Variants in DOCK1 observed in about 807,000 individuals in gnomAD.
DOCK1 encodes dedicator of cytokinesis protein 1.
DOCK1 carries 138 observed loss-of-function variants against 262.7 expected under a neutral mutation model. That is an observed-to-expected ratio of 0.53 (90% CI 0.46 to 0.61). DOCK1 has a LOEUF of 0.61. DOCK1 is among the 20% of genes least tolerant of loss of function. DOCK1 has a pLI of 0.00. For synonymous variants in DOCK1, 866 were observed against 867.4 expected (o/e 1.00, Z 0.03); for missense variants, 1,908 against 2,370.7 (o/e 0.80, Z 4.05).
At chr10:127,083,597 G>A (rs537975482) in intron 23 of DOCK1, among the ~76,000 whole-genome samples, 8 of 152,180 alleles carry the variant, frequency 5.3e-5, no homozygotes, top group South Asian at 2.1e-4. Context: ...TATAATGGAT[G>A]TGATTATAAA....
chr10:127,006,403 A>G (rs1037366937), intron 10 of DOCK1, among the ~76,000 whole-genome samples: 83 of 152,220 alleles, frequency 5.5e-4, no homozygotes, highest in African/African-American at 1.9e-3. Flanking sequence ...ACACAGCTGT[A>G]CTGACTTCAG....
intron 29 of DOCK1, among the ~76,000 whole-genome samples, chr10:127,291,085 A>G (rs77799058): frequency 0.016 from 2,474 of 152,254 alleles, 74 homozygotes; most frequent in African/African-American, 0.057. Flanking sequence ...CTGAAGACAC[A>G]GTCTAGAGTC....
intron 10 of DOCK1, among the ~76,000 whole-genome samples, chr10:127,003,577 G>A (rs556418559): frequency 8.5e-5 from 13 of 152,292 alleles, no homozygotes; most frequent in African/African-American, 2.6e-4. Context: ...TTGGTGCCAA[G>A]CACTGAGCAC....
At chr10:127,190,664 T>TCCCCCCCCC (rs1491352928) in intron 27 of DOCK1, among the ~76,000 whole-genome samples, 2 of 15,230 alleles carry the variant, frequency 1.3e-4, no homozygotes, top group South Asian at 3.2e-3. Flanking sequence ...AAATCCTATC[T>TCCCCCCCCC]TCCCCCCCCC....
At chr10:127,412,616 C>T (rs2067926468) in intron 43 of DOCK1, among the ~76,000 whole-genome samples, 1 of 152,144 alleles carries the variant, frequency 6.6e-6, no homozygotes, top group Admixed American at 6.5e-5. Flanking sequence ...GAATTAACAC[C>T]CTACTCCTGA....
At chr10:126,962,067 G>A (rs948730475) in intron 1 of DOCK1, among the ~76,000 whole-genome samples, 2 of 152,040 alleles carry the variant, frequency 1.3e-5, no homozygotes, top group Non-Finnish European at 2.9e-5. Context: ...GTGCGCTCTC[G>A]GCTCACTGCA....
At chr10:127,018,883 C>T (rs376723468) in intron 13 of DOCK1, 48 bp downstream of exon 13, 37 of 1,604,654 alleles carry the variant, frequency 2.3e-5, no homozygotes, top group East Asian at 2.0e-4. Context: ...TGGGGGTAGC[C>T]GGCCACGGAG....
At chr10:127,430,422 T>A (rs1229436863) in intron 47 of DOCK1, among the ~76,000 whole-genome samples, 1 of 152,178 alleles carries the variant, frequency 6.6e-6, no homozygotes, top group East Asian at 1.9e-4. Flanking sequence ...GTGCTGGAGT[T>A]CCATGGTGAG....
At chr10:126,960,445 G>A (rs1280089033) in intron 1 of DOCK1, among the ~76,000 whole-genome samples, 1 of 151,130 alleles carries the variant, frequency 6.6e-6, no homozygotes, top group Non-Finnish European at 1.5e-5. Flanking sequence ...GTATATTGTC[G>A]GGATGTGCAA....
intron 27 of DOCK1, among the ~76,000 whole-genome samples, chr10:127,160,228 G>A (rs556620081): frequency 6.6e-6 from 1 of 152,288 alleles, no homozygotes; most frequent in Admixed American, 6.5e-5. Context: ...TTAGCAAGTG[G>A]AAACTAATTT....
intron 21 of DOCK1, among the ~76,000 whole-genome samples, chr10:127,051,248 G>A (rs908032303): frequency 6.6e-6 from 1 of 151,912 alleles, no homozygotes; most frequent in Non-Finnish European, 1.5e-5. Flanking sequence ...TAGTCATTGT[G>A]TTTTTAAAAC....
intron 1 of DOCK1, among the ~76,000 whole-genome samples, chr10:126,960,645 G>T (rs2037120017): frequency 6.6e-6 from 1 of 150,608 alleles, no homozygotes; most frequent in Non-Finnish European, 1.5e-5. Flanking sequence ...GTTTATATTT[G>T]CATAATGACA....
chr10:127,190,307 C>T (rs942290126), intron 27 of DOCK1, among the ~76,000 whole-genome samples: 2 of 152,160 alleles, frequency 1.3e-5, no homozygotes, highest in East Asian at 3.9e-4. Flanking sequence ...CCCTGGAAGC[C>T]GTCTTCCTCT....
chr10:127,122,579 A>G (rs1167197695), intron 25 of DOCK1, among the ~76,000 whole-genome samples: 1 of 151,584 alleles, frequency 6.6e-6, no homozygotes, highest in Non-Finnish European at 1.5e-5. Context: ...TGGCTGGGTC[A>G]TGAAGGCTGA....
At position 127,012,116 on chromosome 10, in the gene DOCK1, T is replaced by C. The variant is rs2041500447; in HGVS notation, c.1059-116T>C. On this transcript the variant is annotated intron_variant, in intron 11 of 51. Coordinates refer to ENST00000623213, the MANE Select transcript of DOCK1 (RefSeq NM_001290223.2). The surrounding 1 kb of genome is among the most constrained non-coding windows in gnomAD (Gnocchi z 4.0). Reference sequence around the variant, plus strand: ...CCATCCTTTGTCGTGCGTTGACTCATGATGCCTCCCTCTCGCACTCGGTGA... The same window carrying C: ...CCATCCTTTGTCGTGCGTTGACTCACGATGCCTCCCTCTCGCACTCGGTGA... 1.5e-6 allele frequency: 1 copy of C among 645,702 alleles called. No homozygotes were observed. Among genetic ancestry groups the C allele is most frequent in the East Asian group, 2.7e-5 (1 of 36,612 alleles). The allele number at this position is 645,702 out of a possible 1,614,324, so 40.0% of individuals were successfully genotyped here.
At chr10:127,336,626 G>A (rs1054486798) in intron 29 of DOCK1, among the ~76,000 whole-genome samples, 7 of 150,044 alleles carry the variant, frequency 4.7e-5, no homozygotes, top group Non-Finnish European at 1.0e-4. Flanking sequence ...TGCAAGCTCC[G>A]CCTCCCAGGT....
intron 29 of DOCK1, among the ~76,000 whole-genome samples, chr10:127,268,491 G>A (rs1158477255): frequency 1.6e-4 from 15 of 94,128 alleles, no homozygotes; most frequent in Admixed American, 8.7e-4. Flanking sequence ...GTGACAGACC[G>A]AGACTCCACC....
chr10:127,168,615 G>T (rs1310894835), intron 27 of DOCK1, among the ~76,000 whole-genome samples: 3 of 152,222 alleles, frequency 2.0e-5, no homozygotes, highest in African/African-American at 4.8e-5. Context: ...AGCTAACCAG[G>T]TGGAAGACTT....
chr10:127,119,059 T>C (rs2049368844), intron 25 of DOCK1, among the ~76,000 whole-genome samples: 1 of 151,866 alleles, frequency 6.6e-6, no homozygotes, highest in Non-Finnish European at 1.5e-5. Flanking sequence ...CTTTTTTTTT[T>C]TTGAGACGGA....
Sources: allele counts gnomAD v4.1 joint callset (sites outside exome capture counted in the v4.1 genomes callset), GRCh38; gene constraint gnomAD v4.1.1; non-coding constraint Gnocchi (gnomAD v3.1); transcripts MANE v1.5; gene names NCBI Gene and HGNC (gene_info 2026-07-23, HGNC 2026-07-21).